KIF13B: variants seen among roughly 807,000 people sequenced by gnomAD.
KIF13B encodes kinesin family member 13B, also known as kinesin-like protein KIF13B.
Under a neutral mutation model 222.0 loss-of-function variants are expected in KIF13B, and 127 were observed. The ratio of observed to expected loss-of-function variants is 0.57; its 90% CI spans 0.50 to 0.66. The LOEUF (loss-of-function observed/expected upper bound fraction) is 0.66. Ranked by LOEUF, KIF13B falls within the 30% of genes least tolerant of loss-of-function variation. The pLI, the probability that KIF13B is intolerant of heterozygous loss-of-function variation, is 0.00. For synonymous variants in KIF13B, 976 were observed against 919.0 expected, an observed-to-expected ratio of 1.06 and a Z score of -1.12; for missense variants, 2,173 against 2,379.0, an observed-to-expected ratio of 0.91 and a Z score of 1.80.
chr8:29,127,130 T>C lies in KIF13B; in HGVS notation c.3214A>G (p.Thr1072Ala), dbSNP rs2129787243. The change falls in exon 25 of 40, where the codon ACC becomes GCC. Residue 1072 changes from threonine to alanine, a missense_variant. This residue lies in a region of KIF13B where 1,480 missense variants were observed against 1,722.8 expected (regional missense o/e 0.86). Transcript: ENST00000524189. ...CAGGTATAGAAACTTACATGGAAGG[T>C]CTCATGTGTTCTGGGGGCTCTGAGC... ...RPLRAPRTHE[T>A]FHEEEEDMDS... is the part of the protein sequence containing the mutation. 6.2e-7 allele frequency: 1 copy of C among 1,613,636 alleles called. No homozygotes were observed. The highest frequency in any genetic ancestry group is 1.1e-5 in the South Asian group (1 of 91,050).
At chr8:29,237,434 A>C (rs1200181384) in intron 2 of KIF13B, among the ~76,000 whole-genome samples, 1 of 152,192 alleles carries the variant, frequency 6.6e-6, no homozygotes, top group Non-Finnish European at 1.5e-5. Context: ...ATTATCCATA[A>C]CTAACTTAAT....
intron 37 of KIF13B, among the ~76,000 whole-genome samples, chr8:29,083,402 ACT>A (rs893862915): frequency 1.3e-5 from 2 of 152,232 alleles, no homozygotes; most frequent in African/African-American, 4.8e-5. Context: ...GTATGGCAAC[ACT>A]CGGTCTAGAG....
chr8:29,242,337 C>T (rs1241272935), intron 2 of KIF13B, among the ~76,000 whole-genome samples: 2 of 152,156 alleles, frequency 1.3e-5, no homozygotes, highest in East Asian at 3.8e-4. Context: ...TGTTTTATTA[C>T]AATCTCACCA....
At chr8:29,227,679 C>T (rs1472655681) in intron 2 of KIF13B, among the ~76,000 whole-genome samples, 5 of 152,240 alleles carry the variant, frequency 3.3e-5, no homozygotes, top group East Asian at 3.9e-4. Context: ...CTGGCAGCAG[C>T]GGCTCACGCC....
chr8:29,149,334 G>A (rs1005430804), intron 15 of KIF13B, among the ~76,000 whole-genome samples: 4 of 152,186 alleles, frequency 2.6e-5, no homozygotes, highest in African/African-American at 9.7e-5. Flanking sequence ...CCTTTTCTCA[G>A]TAACCAAAAT....
chr8:29,172,141 C>T (rs1172909329), intron 10 of KIF13B, among the ~76,000 whole-genome samples: 2 of 142,950 alleles, frequency 1.4e-5, no homozygotes, highest in African/African-American at 2.6e-5. Context: ...AGTGCAGTGG[C>T]GTGATCTCGG....
At chr8:29,101,044 G>C (rs970590951) in intron 35 of KIF13B, among the ~76,000 whole-genome samples, 2 of 152,196 alleles carry the variant, frequency 1.3e-5, no homozygotes, top group Non-Finnish European at 2.9e-5. Flanking sequence ...ACAAGGGAGA[G>C]AGCAACACGT....
rs978333948 is a variant in KIF13B, at chr8:29,071,818, C to T, written c.5020G>A (p.Glu1674Lys). The change falls in exon 39 of 40, where the codon GAG (glutamate) becomes AAG (lysine). Residue 1674 changes from glutamate to lysine, a missense_variant. Physicochemically the swap from Glu to Lys is moderately conservative, Grantham distance 56. Around this residue, in one of 2 missense-constraint regions of KIF13B, gnomAD observed 693 missense variants for 656.2 expected, o/e 1.06. Coordinates refer to ENST00000524189, the MANE Select transcript of KIF13B (RefSeq NM_015254.4). The surrounding 1 kb of genome is among the most constrained non-coding windows in gnomAD (Gnocchi z 4.9). ...GCGCCCGGGGCCGGCGCATTCCCCT[C>T]GGCCCCCGGGGAGCAGCCGGGGTCC... ...AGDPGCSPGA[E>K]GNAPAPGAGG... 3 of 1,543,516 alleles carry T rather than the reference C, an allele frequency of 1.9e-6. No homozygotes were observed. The highest frequency in any genetic ancestry group is 2.4e-5 in the East Asian group (1 of 40,856).
chr8:29,104,026 T>C (rs1808927445), intron 35 of KIF13B, among the ~76,000 whole-genome samples: 1 of 152,126 alleles, frequency 6.6e-6, no homozygotes, highest in Non-Finnish European at 1.5e-5. Flanking sequence ...CTCCGAAGCA[T>C]GTGGATGGAG....
chr8:29,254,232 T>C (rs374688424), intron 1 of KIF13B, among the ~76,000 whole-genome samples: 9 of 152,272 alleles, frequency 5.9e-5, no homozygotes, highest in African/African-American at 2.2e-4. Flanking sequence ...CCTATCAAAC[T>C]CTTAGAAGAA....
rs1312399225 is a variant in KIF13B, at chr8:29,160,810, C to A, written c.1327G>T (p.Val443Phe). ...GISLQSSGIK[V>F]GDDKCFLVNL... ...ACAAGGAAGCATTTATCATCCCCAA[C>A]TTTGATTCCCGAAGACTGAAGAGAT... Residue 443 changes from valine to phenylalanine, a missense_variant, in exon 13 of 40, where the codon GTT becomes TTT. By Grantham distance (50) the Val-to-Phe change is conservative. This residue lies in a region of KIF13B where 1,480 missense variants were observed against 1,722.8 expected (regional missense o/e 0.86). Transcript: ENST00000524189. 6.2e-7 allele frequency: 1 copy of A among 1,613,534 alleles called. No individual in the cohort carries two copies. Among genetic ancestry groups the A allele is most frequent in the Admixed American group, 1.7e-5 (1 of 59,994 alleles).
intron 29 of KIF13B, 44 bp downstream of exon 29, chr8:29,122,547 T>C: frequency 2.0e-6 from 3 of 1,529,348 alleles, no homozygotes; most frequent in South Asian, 1.2e-5. Flanking sequence ...ATGTAGGCAC[T>C]AAATTTTCAG....
In KIF13B at chr8:29,255,422, C is replaced by A. The variant is rs549088333; in HGVS notation, c.55+7558G>T. 2.6e-5 allele frequency among the ~76,000 whole-genome samples: 4 copies of A among 152,296 alleles called. No homozygotes were observed. The South Asian group carries it at 8.3e-4, about 32-fold the overall frequency. ...CAGCTCACCCAATTCCTCCTACTTT[C>A]AATAACCTCACATTCTACCCCATCA... On this transcript the variant is annotated intron_variant, in intron 1 of 39. Transcript: ENST00000524189.
At chr8:29,263,104 C>A, upstream of KIF13B, 1 of 836,912 alleles carries the variant, frequency 1.2e-6, no homozygotes, top group East Asian at 7.7e-5. Flanking sequence ...GGGGTTGACC[C>A]GGCGGGAGGG....
chr8:29,247,902 G>A (rs1020866408), intron 1 of KIF13B, among the ~76,000 whole-genome samples: 1 of 148,298 alleles, frequency 6.7e-6, no homozygotes, highest in African/African-American at 2.5e-5. Context: ...CTGAATATAC[G>A]TCTCTCCAAA....
intron 37 of KIF13B, among the ~76,000 whole-genome samples, chr8:29,084,678 T>A (rs890822590): frequency 2.0e-5 from 3 of 152,230 alleles, no homozygotes; most frequent in Non-Finnish European, 2.9e-5. Flanking sequence ...TTCCTAACTT[T>A]GAAGTACATA....
chr8:29,074,327 G>A (rs1036640878), intron 38 of KIF13B, among the ~76,000 whole-genome samples: 2 of 152,214 alleles, frequency 1.3e-5, no homozygotes, highest in African/African-American at 4.8e-5. Flanking sequence ...GGCACTGGGG[G>A]CAGAGCTGCA....
At position 29,132,359 on chromosome 8, in the gene KIF13B, G is replaced by A; in HGVS notation, c.2891C>T (p.Ala964Val). The A allele has an allele frequency of 1.9e-6, 3 of 1,592,268 alleles. No homozygotes were observed. Among genetic ancestry groups the A allele is most frequent in the Non-Finnish European group, 2.6e-6 (3 of 1,168,412 alleles). ...HKINDPRKNP[A>V]LWDLGIIQAK... is the part of the protein sequence containing the mutation. ...TTGGATGATTCCCAAATCCCACAGG[G>A]CGGGGTTTTTCCGGGGATCGTTTAT... Residue 964 changes from alanine to valine, a missense_variant, in exon 23 of 40, where the codon GCC (alanine) becomes GTC (valine). Coordinates refer to ENST00000524189, the MANE Select transcript of KIF13B (RefSeq NM_015254.4).
intron 2 of KIF13B, among the ~76,000 whole-genome samples, chr8:29,217,005 G>A (rs1814515209): frequency 6.6e-6 from 1 of 152,184 alleles, no homozygotes; most frequent in African/African-American, 2.4e-5. Context: ...AAGTGTTAGG[G>A]AAAGAATACT....
Sources: allele counts gnomAD v4.1 joint callset (sites outside exome capture counted in the v4.1 genomes callset), GRCh38; gene constraint gnomAD v4.1.1; regional missense constraint gnomAD v4.1.1; non-coding constraint Gnocchi (gnomAD v3.1); transcripts MANE v1.5; gene names NCBI Gene and HGNC (gene_info 2026-07-23, HGNC 2026-07-21).